PHKA1: variants seen among roughly 807,000 people sequenced by gnomAD.
The protein encoded by PHKA1 is phosphorylase b kinase regulatory subunit alpha, skeletal muscle isoform.
A neutral mutation model predicts 110.2 loss-of-function variants in PHKA1; 60 were observed. The observed-to-expected ratio is 0.54, with a 90% CI of 0.44 to 0.68. The LOEUF (loss-of-function observed/expected upper bound fraction) is 0.68. Ranked by LOEUF, PHKA1 falls within the 30% of genes least tolerant of loss-of-function variation. PHKA1 has a pLI of 0.00. For missense variants in PHKA1, 801 were observed against 942.5 expected, an observed-to-expected ratio of 0.85 and a Z score of 1.97; for synonymous variants, 316 against 333.6, an observed-to-expected ratio of 0.95 and a Z score of 0.58.
At chrX:72,704,577 G>A (rs1556331469) in intron 3 of PHKA1, among the ~76,000 whole-genome samples, 2 of 109,023 alleles carry the variant, frequency 1.8e-5, no homozygotes, top group Non-Finnish European at 3.8e-5. Flanking sequence ...GTATGTGCAT[G>A]TGTGTGTGTG....
At position 72,669,205 on chromosome X, in the gene PHKA1, C is replaced by T. The variant is rs147032955; in HGVS notation, c.619-1732G>A. ...GCCAGTGACTCCACAGTTCTGGCAT[C>T]CCAGTGGTGGTCCTGCCCTAGTGGG... is the stretch of plus-strand genomic sequence containing the variant. On this transcript the variant is annotated intron_variant, in intron 6 of 31. Transcript: ENST00000373542. Among the ~76,000 whole-genome samples the T allele has an allele frequency of 3.7e-3, 410 of 110,833 alleles. 1 individual carries two copies. Among genetic ancestry groups the T allele is most frequent in the African/African-American group, 0.013 (399 of 30,484 alleles).
intron 4 of PHKA1, 110 bp downstream of exon 4, chrX:72,695,598 G>A (rs1556326747): frequency 2.8e-6 from 2 of 723,363 alleles, no homozygotes; most frequent in African/African-American, 4.3e-5. Context: ...AAAAATACCT[G>A]TTTCATGAAG....
At chrX:72,706,906 A>G (rs1821446613) in intron 2 of PHKA1, among the ~76,000 whole-genome samples, 1 of 111,517 alleles carries the variant, frequency 9.0e-6, no homozygotes, top group Non-Finnish European at 1.9e-5. Flanking sequence ...CTCAAGTTCT[A>G]ATTTCCAAGG....
chrX:72,700,974 T>G (rs1379362769), intron 3 of PHKA1, among the ~76,000 whole-genome samples: 1 of 112,764 alleles, frequency 8.9e-6, no homozygotes, highest in Non-Finnish European at 1.9e-5. Context: ...CTGACAGCTT[T>G]TAACAATTTA....
At chrX:72,678,398 G>T (rs2053805645) in intron 5 of PHKA1, among the ~76,000 whole-genome samples, 1 of 112,122 alleles carries the variant, frequency 8.9e-6, no homozygotes, top group South Asian at 3.8e-4. Context: ...CCAAATCTCT[G>T]AGTTAAAGTG....
chrX:72,705,498 C>T lies in PHKA1; in HGVS notation c.238-253G>A, dbSNP rs1054885860. Among the ~76,000 whole-genome samples the T allele has an allele frequency of 4.8e-4, 54 of 111,792 alleles. 2 individuals are homozygous for T. The highest frequency in any genetic ancestry group is 1.3e-4 in the Non-Finnish European group (7 of 53,107). On this transcript the variant is annotated intron_variant, in intron 2 of 31. Transcript: ENST00000373542. ...TCAACTGGTTTATGTAAAAATAAGC[C>T]AACCATCCTATTAGAGGACATTCCA...
chrX:72,680,504 A>G (rs73500365), intron 5 of PHKA1, among the ~76,000 whole-genome samples: 2,326 of 113,154 alleles, frequency 0.021, 61 homozygotes, highest in African/African-American at 0.071. Context: ...ATATTTTTCA[A>G]ATATGAAGAT....
intron 4 of PHKA1, among the ~76,000 whole-genome samples, chrX:72,695,080 C>G (rs1435003787): frequency 9.0e-6 from 1 of 110,784 alleles, no homozygotes; most frequent in African/African-American, 3.3e-5. Flanking sequence ...TGAGGGAATT[C>G]CCACCCTGGA....
At chrX:72,653,343 G>A in intron 11 of PHKA1, 92 bp downstream of exon 11, 1 of 573,284 alleles carries the variant, frequency 1.7e-6, no homozygotes, top group South Asian at 2.5e-5. Flanking sequence ...AACAAAATAA[G>A]ATTAAAAATT....
chrX:72,710,501 A>G (rs2054355892), intron 2 of PHKA1, among the ~76,000 whole-genome samples: 2 of 112,162 alleles, frequency 1.8e-5, no homozygotes, highest in South Asian at 7.4e-4. Flanking sequence ...CTACAACCCT[A>G]ATGACAAAAA....
At position 72,584,199 on chromosome X, in the gene PHKA1, T is replaced by A. The variant is rs782611658; in HGVS notation, c.3297+50A>T. ...AAAGTAAGTGATCACTGGGATACTT[T>A]AGCCAGCAAAGTTATCAGTCACATA... On this transcript the variant is annotated intron_variant, in intron 30 of 31. Transcript: ENST00000373542. The A allele has an allele frequency of 5.0e-6, 5 of 997,827 alleles. No individual in the cohort carries two copies. In the African/African-American group the frequency reaches 9.4e-5, roughly 19 times the overall value. The allele number at this position is 997,827 out of a possible 1,213,427, so 82.2% of individuals were successfully genotyped here.
intron 10 of PHKA1, 22 bp from the exon 11 acceptor site, chrX:72,653,552 G>A (rs1432964914): frequency 2.8e-6 from 3 of 1,071,523 alleles, no homozygotes; most frequent in Non-Finnish European, 3.9e-6. Context: ...AGAAAGGCAG[G>A]AAAAAAAGAC....
intron 5 of PHKA1, among the ~76,000 whole-genome samples, chrX:72,679,878 T>C (rs2053824645): frequency 9.0e-6 from 1 of 111,263 alleles, no homozygotes; most frequent in African/African-American, 3.3e-5. Flanking sequence ...GAAGAAATAA[T>C]TGCTGAAAAC....
chrX:72,598,937 A>G (rs925863123), intron 28 of PHKA1, among the ~76,000 whole-genome samples: 3 of 111,583 alleles, frequency 2.7e-5, no homozygotes, highest in Admixed American at 9.5e-5. Flanking sequence ...GCACTGATCT[A>G]TTGAGTAGAT....
At position 72,633,202 on chromosome X, in the gene PHKA1, T is replaced by G. The variant is rs2053187333; in HGVS notation, c.1714+1953A>C. Among the ~76,000 whole-genome samples, 4 of 112,085 alleles carry G rather than the reference T, an allele frequency of 3.6e-5. No homozygotes were observed. In the South Asian group the frequency reaches 1.5e-3, roughly 42 times the overall value. On this transcript the variant is annotated intron_variant, in intron 16 of 31. Coordinates refer to ENST00000373542, the MANE Select transcript of PHKA1 (RefSeq NM_002637.4). The stretch of plus-strand genomic sequence containing the variant: ...TGCCCCCAAATTCGTTTGTTGAAAC[T>G]TAATCACCAATGTGATAGCATTAAG...
chrX:72,589,042 C>T (rs1369037421), intron 29 of PHKA1, among the ~76,000 whole-genome samples: 1 of 111,701 alleles, frequency 9.0e-6, no homozygotes, highest in Non-Finnish European at 1.9e-5. Flanking sequence ...CTATTCCAAT[C>T]AATAGAAAGA....
In PHKA1 at chrX:72,582,361, AACATTTCTCTATT is replaced by A. The variant is rs782496555; in HGVS notation, c.3498+24_3498+36del. The A allele has an allele frequency of 3.9e-6, 4 of 1,020,217 alleles. No individual in the cohort carries two copies. In the Admixed American group the frequency reaches 8.7e-5, roughly 22 times the overall value. The allele number at this position is 1,020,217 out of a possible 1,213,427, so 84.1% of individuals were successfully genotyped here. On this transcript the variant is annotated intron_variant, in intron 31 of 31. Transcript: ENST00000373542. ...CTGAATGTCATCAGGTTGGAGTAAA[AACATTTCTCTATT>A]GAGAAAACAACAGGTTTGCCTACCT...
chrX:72,612,454 T>TA (rs1338022577), intron 21 of PHKA1, among the ~76,000 whole-genome samples: 1 of 112,012 alleles, frequency 8.9e-6, no homozygotes, highest in African/African-American at 3.2e-5. Flanking sequence ...ATTGTACAGT[T>TA]AAAAAATACC....
intron 3 of PHKA1, among the ~76,000 whole-genome samples, chrX:72,704,544 A>G (rs1316537311): frequency 1.8e-5 from 2 of 110,179 alleles, no homozygotes; most frequent in East Asian, 5.7e-4. Context: ...GATGGCCCCA[A>G]GGGTTTCAAA....
Sources: gnomAD v4.1 joint callset for allele counts (sites outside exome capture counted in the v4.1 genomes callset) on GRCh38, gnomAD v4.1.1 for gene constraint, MANE v1.5 for transcripts, NCBI Gene and HGNC (gene_info 2026-07-23, HGNC 2026-07-21) for gene names.